The following SEPTIN9 variants were observed in gnomAD, a reference collection of about 807,000 sequenced individuals.
SEPTIN9 encodes septin-9.
SEPTIN9 carries 13 observed loss-of-function variants against 56.6 expected under a neutral mutation model. The ratio of observed to expected loss-of-function variants is 0.23; its 90% CI spans 0.15 to 0.37. SEPTIN9 has a LOEUF of 0.37. Ranked by LOEUF, SEPTIN9 falls within the 10% of genes least tolerant of loss-of-function variation. The pLI, the probability that SEPTIN9 is intolerant of heterozygous loss-of-function variation, is 1.00. For synonymous variants in SEPTIN9, 332 were observed against 334.1 expected (o/e 0.99, Z 0.07); for missense variants, 650 against 823.1 (o/e 0.79, Z 2.57).
At chr17:77,394,532 G>A (rs2035642231) in intron 2 of SEPTIN9, among the ~76,000 whole-genome samples, 1 of 152,222 alleles carries the variant, frequency 6.6e-6, no homozygotes, top group African/African-American at 2.4e-5. Context: ...ACCTGAGCCT[G>A]GAATTCCACC....
chr17:77,452,184 GGCATGC>G, intron 3 of SEPTIN9, among the ~76,000 whole-genome samples: 1 of 152,358 alleles, frequency 6.6e-6, no homozygotes. Flanking sequence ...TCTCTACAAT[GGCATGC>G]TGCGTGTCGG....
At chr17:77,322,435 G>A (rs1216759486) in intron 2 of SEPTIN9, among the ~76,000 whole-genome samples, 1 of 152,238 alleles carries the variant, frequency 6.6e-6, no homozygotes, top group African/African-American at 2.4e-5. Context: ...TTTCATGTAA[G>A]AAAACGTACA....
intron 3 of SEPTIN9, among the ~76,000 whole-genome samples, chr17:77,440,802 T>C (rs1237574493): frequency 6.6e-6 from 1 of 152,140 alleles, no homozygotes; most frequent in Non-Finnish European, 1.5e-5. Flanking sequence ...CTCCCAGAGG[T>C]TAAGAAATGG....
chr17:77,482,095 G>A, intron 3 of SEPTIN9, 49 bp from the exon 4 acceptor site: 4 of 1,496,668 alleles, frequency 2.7e-6, no homozygotes, highest in Non-Finnish European at 3.6e-6. Flanking sequence ...GCAGGCGCCT[G>A]TGTGTGAGCC....
At position 77,405,997 on chromosome 17, in the gene SEPTIN9, G is replaced by C. The variant is rs2036055134; in HGVS notation, c.721+3294G>C. 6.6e-6 allele frequency among the ~76,000 whole-genome samples: 1 copy of C among 152,256 alleles called. No individual in the cohort carries two copies. The highest frequency in any genetic ancestry group is 6.5e-5 in the Admixed American group (1 of 15,280). ...ATGGAGGGAGTTCCGTGCCCTCTGA[G>C]CAGACGCCCAGCCCCTTGGCTTCTG... On this transcript the variant is annotated intron_variant, in intron 3 of 11. Transcript: ENST00000427177. This position sits in a 1 kb window ranked among gnomAD's most constrained non-coding sequence, Gnocchi z 5.8.
At chr17:77,473,650 T>C (rs747329928) in intron 3 of SEPTIN9, among the ~76,000 whole-genome samples, 1 of 152,248 alleles carries the variant, frequency 6.6e-6, no homozygotes, top group Non-Finnish European at 1.5e-5. Flanking sequence ...ACACATGTCC[T>C]GTACTACTGT....
At chr17:77,285,875 C>T (rs746984561) in intron 1 of SEPTIN9, among the ~76,000 whole-genome samples, 28 of 152,240 alleles carry the variant, frequency 1.8e-4, no homozygotes, top group Non-Finnish European at 3.5e-4. Flanking sequence ...CAGGGCTGCA[C>T]CCTCACCCAG....
At chr17:77,461,907 A>G (rs1467225548) in intron 3 of SEPTIN9, among the ~76,000 whole-genome samples, 1 of 152,158 alleles carries the variant, frequency 6.6e-6, no homozygotes, top group Non-Finnish European at 1.5e-5. Flanking sequence ...CCCGAGACCC[A>G]GGAAAAGCGC....
At chr17:77,372,060 G>C (rs2034735689) in intron 2 of SEPTIN9, among the ~76,000 whole-genome samples, 1 of 152,060 alleles carries the variant, frequency 6.6e-6, no homozygotes, top group South Asian at 2.1e-4. Context: ...AGGATGAGCT[G>C]TCAGGCGCTC....
intron 2 of SEPTIN9, chr17:77,374,340 G>C (rs1347157381): frequency 6.6e-6 from 1 of 152,530 alleles, no homozygotes; most frequent in African/African-American, 2.4e-5. Flanking sequence ...TGGGTCTGGC[G>C]TCCGCGTCTC....
chr17:77,306,953 T>A (rs923906727), intron 1 of SEPTIN9, among the ~76,000 whole-genome samples, 188 bp from the exon 2 acceptor site: 3 of 152,216 alleles, frequency 2.0e-5, no homozygotes, highest in African/African-American at 2.4e-5. Flanking sequence ...CAGACAGCAG[T>A]GGCTGTCATC....
intron 2 of SEPTIN9, among the ~76,000 whole-genome samples, chr17:77,364,245 G>A (rs1035769217): frequency 2.0e-5 from 3 of 152,246 alleles, no homozygotes; most frequent in Admixed American, 2.0e-4. Flanking sequence ...AAGGCGGCAG[G>A]CCAAGAGCGC....
intron 3 of SEPTIN9, among the ~76,000 whole-genome samples, chr17:77,469,999 G>A (rs1468558428): frequency 1.2e-5 from 1 of 81,438 alleles, no homozygotes; most frequent in Non-Finnish European, 2.5e-5. Context: ...ATCTATCTAT[G>A]CACTCATCCA....
chr17:77,331,677 C>T (rs1469640811), intron 2 of SEPTIN9, among the ~76,000 whole-genome samples: 6 of 152,164 alleles, frequency 3.9e-5, no homozygotes, highest in South Asian at 2.1e-4. Flanking sequence ...GTGTAGTTTC[C>T]GCCAACTGTG....
At chr17:77,288,402 G>A (rs1388349201) in intron 1 of SEPTIN9, among the ~76,000 whole-genome samples, 2 of 152,246 alleles carry the variant, frequency 1.3e-5, no homozygotes, top group Non-Finnish European at 2.9e-5. Context: ...GCGTGTTGGG[G>A]CAGCGGCTGA....
Position 77,297,466 on chromosome 17 carries a change from C to T in SEPTIN9, c.20-9675C>T, listed in dbSNP as rs190041798. ...CCAGAAACACCCTCACAGACACACC[C>T]AGAAGCGATGCGTTACCAGCCATCC... On this transcript the variant is annotated intron_variant, in intron 1 of 11. Coordinates refer to ENST00000427177, the MANE Select transcript of SEPTIN9 (RefSeq NM_001113491.2). Among the ~76,000 whole-genome samples, 463 of 152,288 alleles carry T rather than the reference C, an allele frequency of 3.0e-3. 2 individuals carry two copies. Among genetic ancestry groups the T allele is most frequent in the African/African-American group, 9.8e-3 (408 of 41,552 alleles).
chr17:77,316,516 C>A (rs1295642423), intron 2 of SEPTIN9, among the ~76,000 whole-genome samples: 2 of 152,208 alleles, frequency 1.3e-5, no homozygotes, highest in Admixed American at 1.3e-4. Flanking sequence ...ATAGTGTGCA[C>A]AGCGTGCAGG....
chr17:77,333,349 C>T (rs1014494240), intron 2 of SEPTIN9, among the ~76,000 whole-genome samples: 1 of 152,168 alleles, frequency 6.6e-6, no homozygotes, highest in Admixed American at 6.5e-5. Context: ...TTGTCAGATA[C>T]GTGTTTTACA....
At chr17:77,370,755 C>T (rs1341862720) in intron 2 of SEPTIN9, among the ~76,000 whole-genome samples, 1 of 152,194 alleles carries the variant, frequency 6.6e-6, no homozygotes, top group East Asian at 1.9e-4. Flanking sequence ...ACTGTGTGTC[C>T]AGGCCCTGAG....
Sources: allele counts gnomAD v4.1 joint callset (sites outside exome capture counted in the v4.1 genomes callset), GRCh38; gene constraint gnomAD v4.1.1; non-coding constraint Gnocchi (gnomAD v3.1); transcripts MANE v1.5; gene names NCBI Gene and HGNC (gene_info 2026-07-23, HGNC 2026-07-21).